The following PHKA1 variants were observed in gnomAD, a reference collection of about 807,000 sequenced individuals.
PHKA1 encodes the protein phosphorylase kinase regulatory subunit alpha 1, also known as phosphorylase b kinase regulatory subunit alpha, skeletal muscle isoform.
A neutral mutation model predicts 110.2 loss-of-function variants in PHKA1; 60 were observed. The ratio of observed to expected loss-of-function variants is 0.54; its 90% CI spans 0.44 to 0.68. PHKA1 has a LOEUF of 0.68. PHKA1 is among the 30% of genes least tolerant of loss of function. PHKA1 has a pLI of 0.00. For missense variants in PHKA1, 801 were observed against 942.5 expected, an observed-to-expected ratio of 0.85 and a Z score of 1.97; for synonymous variants, 316 against 333.6, an observed-to-expected ratio of 0.95 and a Z score of 0.58.
chrX:72,695,125 G>A (rs1371135399), intron 4 of PHKA1, among the ~76,000 whole-genome samples: 1 of 111,451 alleles, frequency 9.0e-6, no homozygotes, highest in Admixed American at 9.6e-5. Flanking sequence ...TAACCGGGTT[G>A]GAAGATGAAG....
intron 23 of PHKA1, among the ~76,000 whole-genome samples, chrX:72,608,584 C>T (rs1170604966): frequency 4.5e-5 from 5 of 111,412 alleles, no homozygotes; most frequent in Non-Finnish European, 9.4e-5. Flanking sequence ...GTGAAGCTTG[C>T]TGGAACTTTT....
At chrX:72,647,844 AAAG>A (rs1556297655) in intron 13 of PHKA1, among the ~76,000 whole-genome samples, 3 of 111,825 alleles carry the variant, frequency 2.7e-5, no homozygotes, top group Admixed American at 9.5e-5. Flanking sequence ...GTTAGGGGGC[AAAG>A]AAGAAGAGGA....
chrX:72,622,881 A>G (rs895404571), intron 18 of PHKA1: 9 of 752,048 alleles, frequency 1.2e-5, no homozygotes, highest in Middle Eastern at 7.6e-4. Flanking sequence ...ATCTTCCCCA[A>G]TCTTAGTAAG....
intron 6 of PHKA1, among the ~76,000 whole-genome samples, chrX:72,673,541 CA>C (rs1303064514): frequency 1.3e-4 from 14 of 110,535 alleles, no homozygotes; most frequent in Non-Finnish European, 5.7e-5. Flanking sequence ...AGAAAAGTGG[CA>C]AAAAAGCTCT....
intron 28 of PHKA1, among the ~76,000 whole-genome samples, chrX:72,596,566 T>C (rs1187160371): frequency 1.8e-5 from 2 of 111,524 alleles, no homozygotes; most frequent in African/African-American, 3.3e-5. Context: ...ACAAAATATG[T>C]AGGAATAAAT....
intron 8 of PHKA1, among the ~76,000 whole-genome samples, chrX:72,664,101 C>A (rs1482720515): frequency 9.0e-6 from 1 of 110,947 alleles, no homozygotes; most frequent in East Asian, 2.8e-4. Flanking sequence ...TCAATAATAA[C>A]CTTGAATGTA....
At chrX:72,638,453 T>G (rs1475200225) in intron 14 of PHKA1, among the ~76,000 whole-genome samples, 1 of 110,928 alleles carries the variant, frequency 9.0e-6, no homozygotes, top group Non-Finnish European at 1.9e-5. Flanking sequence ...TTATTAATTT[T>G]ATTAATTTAC....
chrX:72,592,064 G>A (rs1556226247), intron 29 of PHKA1, among the ~76,000 whole-genome samples: 1 of 111,681 alleles, frequency 9.0e-6, no homozygotes. Context: ...TTCCTCCCTA[G>A]TAGAATATAA....
chrX:72,607,072 A>C (rs1306596662), intron 23 of PHKA1, among the ~76,000 whole-genome samples: 1 of 111,491 alleles, frequency 9.0e-6, no homozygotes, highest in Non-Finnish European at 1.9e-5. Context: ...TTTGTGTCTG[A>C]ATAGTACTCC....
Position 72,714,032 on chromosome X carries a change from C to G in PHKA1, c.-152G>C, listed in dbSNP as rs908853028. On this transcript the variant is annotated 5_prime_UTR_variant, in exon 1 of 32. Transcript: ENST00000373542. ...GAGCCCTCCCACCGCTCAGGCCTGG[C>G]GCCGCGGATTCCGCGTACCTCTCCG... The G allele has an allele frequency of 7.7e-6, 4 of 517,900 alleles. No homozygotes were observed. Among genetic ancestry groups the G allele is most frequent in the Non-Finnish European group, 1.3e-5 (4 of 300,568 alleles). The allele number at this position is 517,900 out of a possible 1,213,427, so 42.7% of individuals were successfully genotyped here.
At chrX:72,654,322 C>G (rs1271179649) in intron 10 of PHKA1, among the ~76,000 whole-genome samples, 1 of 112,084 alleles carries the variant, frequency 8.9e-6, no homozygotes, top group African/African-American at 3.2e-5. Context: ...AGATAACACT[C>G]CTTTCACCAC....
chrX:72,637,486 T>C (rs936290726), intron 14 of PHKA1, among the ~76,000 whole-genome samples: 2 of 112,196 alleles, frequency 1.8e-5, no homozygotes, highest in South Asian at 7.4e-4. Context: ...TGTTTCCACT[T>C]TTTGGCTATT....
intron 25 of PHKA1, among the ~76,000 whole-genome samples, 196 bp downstream of exon 25, chrX:72,605,075 C>G (rs1327710285): frequency 8.9e-6 from 1 of 111,960 alleles, no homozygotes; most frequent in African/African-American, 3.2e-5. Context: ...TCTGAAGCTG[C>G]GAACTGATAC....
Position 72,593,210 on chromosome X carries a change from G to A in PHKA1, c.3137C>T (p.Ser1046Phe). The change falls in exon 29 of 32, where the codon TCT becomes TTT. Residue 1046 changes from serine (S) to phenylalanine (F), a missense_variant. Physicochemically the swap from Ser to Phe is radical, Grantham distance 155 (BLOSUM62 -2). Coordinates refer to ENST00000373542, the MANE Select transcript of PHKA1 (RefSeq NM_002637.4). ...SFPSAYDQQSSKDSRQGQWQR... is the reference protein window; with the variant it reads ...SFPSAYDQQSFKDSRQGQWQR... ...CCATTGACCTTGACGACTATCTTTA[G>A]ATGACTGCTGATCATATGCACTAGG... 1 of 1,201,065 alleles carries A rather than the reference G, an allele frequency of 8.3e-7. No individual in the cohort carries two copies. The highest frequency in any genetic ancestry group is 1.1e-6 in the Non-Finnish European group (1 of 885,464).
Position 72,712,759 on chromosome X carries a change from T to C in PHKA1, c.237+20A>G. The C allele has an allele frequency of 8.3e-7, 1 of 1,203,574 alleles. No homozygotes were observed. The highest frequency in any genetic ancestry group is 1.1e-6 in the Non-Finnish European group (1 of 888,618). ...AATCACACATAGCTCCAGATCTCTT[T>C]GTATTTTTATTTTGAGTACCTGCTC... On this transcript the variant is annotated intron_variant, in intron 2 of 31. Coordinates refer to ENST00000373542, the MANE Select transcript of PHKA1 (RefSeq NM_002637.4).
chrX:72,611,297 A>G, intron 21 of PHKA1, 113 bp from the exon 22 acceptor site: 1 of 572,291 alleles, frequency 1.7e-6, no homozygotes, highest in East Asian at 3.5e-5. Context: ...TCTCACTAGG[A>G]AATCAATGTA....
At chrX:72,673,962 C>A (rs1367121143) in intron 6 of PHKA1, among the ~76,000 whole-genome samples, 1 of 78,826 alleles carries the variant, frequency 1.3e-5, no homozygotes, top group East Asian at 5.3e-4. Flanking sequence ...CCCCTCCCCC[C>A]ACCCCACAAC....
chrX:72,677,086 C>T (rs1386078072), intron 5 of PHKA1, among the ~76,000 whole-genome samples: 1 of 112,096 alleles, frequency 8.9e-6, no homozygotes, highest in African/African-American at 3.2e-5. Flanking sequence ...TTCCTCAAGT[C>T]TTGTCTTTTG....
chrX:72,588,894 T>C (rs1324711226), intron 29 of PHKA1, among the ~76,000 whole-genome samples: 1 of 111,569 alleles, frequency 9.0e-6, no homozygotes, highest in African/African-American at 3.3e-5. Context: ...ACTGAATCTC[T>C]GAATAGACCA....
Sources: allele counts gnomAD v4.1 joint callset (sites outside exome capture counted in the v4.1 genomes callset), GRCh38; gene constraint gnomAD v4.1.1; transcripts MANE v1.5; gene names NCBI Gene and HGNC (gene_info 2026-07-23, HGNC 2026-07-21).